Variants in IQUB observed in about 807,000 individuals in gnomAD.
IQUB encodes the protein IQ motif and ubiquitin domain containing.
Under a neutral mutation model 86.4 loss-of-function variants are expected in IQUB, and 86 were observed. That is an observed-to-expected ratio of 1.00 (90% CI 0.84 to 1.19). The LOEUF (loss-of-function observed/expected upper bound fraction) is 1.19. IQUB is among the 50% of genes most tolerant of loss of function. IQUB has a pLI of 0.00. For synonymous variants in IQUB, 289 were observed against 304.5 expected (o/e 0.95, Z 0.53); for missense variants, 946 against 916.9 (o/e 1.03, Z -0.41).
intron 8 of IQUB, among the ~76,000 whole-genome samples, chr7:123,471,633 C>CCA (rs71161483): frequency 5.4e-5 from 6 of 110,590 alleles, no homozygotes; most frequent in Non-Finnish European, 1.2e-4. Context: ...ACTCTGTTTT[C>CCA]CCCCCCAAGT....
At chr7:123,461,712 G>A in intron 10 of IQUB, 107 bp from the exon 11 acceptor site, 5 of 988,370 alleles carry the variant, frequency 5.1e-6, no homozygotes, top group Non-Finnish European at 6.8e-6. Context: ...ATCTTAGAAT[G>A]AGATTTAAAA....
chr7:123,486,523 G>C (rs911598898), intron 7 of IQUB, among the ~76,000 whole-genome samples: 1 of 152,100 alleles, frequency 6.6e-6, no homozygotes, highest in Non-Finnish European at 1.5e-5. Flanking sequence ...CAAGTAGCTG[G>C]TTTGTAGCAT....
rs1054571527 is a variant in IQUB, at chr7:123,502,992, T to C, written c.819A>G (p.Val273=). 1.2e-6 allele frequency: 2 copies of C among 1,613,122 alleles called. No individual in the cohort carries two copies. The highest frequency in any genetic ancestry group is 1.7e-6 in the Non-Finnish European group (2 of 1,179,534). Residue 273 remains valine (V), a synonymous_variant, in exon 5 of 13, where the codon GTA becomes GTG. Transcript: ENST00000324698. ...TGAGTCTTTCGGGAATCCTTTTAGG[T>C]ACAGTTTGTGTTCCAGCATTGTGAT... ...VEYHNAGTQT[V]PKRIPERLSI... is the part of the protein sequence containing the mutation.
At chr7:123,471,504 A>G (rs1419369118) in intron 8 of IQUB, among the ~76,000 whole-genome samples, 3 of 152,078 alleles carry the variant, frequency 2.0e-5, no homozygotes, top group Non-Finnish European at 4.4e-5. Flanking sequence ...TTTGGACAAC[A>G]CCTTTTGATC....
At chr7:123,522,729 T>A (rs1796964924) in intron 1 of IQUB, among the ~76,000 whole-genome samples, 1 of 152,122 alleles carries the variant, frequency 6.6e-6, no homozygotes, top group Admixed American at 6.5e-5. Context: ...ATACTTTAAG[T>A]TTTAGGGTAC....
chr7:123,452,818 T>C lies in IQUB; in HGVS notation c.2301A>G (p.Glu767=), dbSNP rs747313693. The change falls in exon 13 of 13, where the codon GAA becomes GAG. Residue 767 remains glutamate, a synonymous_variant. Coordinates refer to ENST00000324698, the MANE Select transcript of IQUB (RefSeq NM_178827.5). ...GATACTTCCATCTGATCTCATCAAT[T>C]TCACCATCATCAAGTATAAATGAAG... ...VLASFILDDG[E]IDEIRWKYHS... is the part of the protein sequence containing the mutation. 6.2e-7 allele frequency: 1 copy of C among 1,613,628 alleles called. No individual in the cohort carries two copies. Among genetic ancestry groups the C allele is most frequent in the South Asian group, 1.1e-5 (1 of 91,046 alleles).
chr7:123,494,082 C>T (rs929743692), intron 7 of IQUB, among the ~76,000 whole-genome samples: 3 of 152,050 alleles, frequency 2.0e-5, no homozygotes, highest in East Asian at 3.9e-4. Context: ...AAAACAACCC[C>T]AATTATTCTA....
intron 3 of IQUB, among the ~76,000 whole-genome samples, chr7:123,509,067 A>AT (rs1370309305): frequency 8.5e-5 from 13 of 152,284 alleles, no homozygotes; most frequent in African/African-American, 3.1e-4. Context: ...ACTATAATAG[A>AT]TTTTTTTAAA....
At position 123,469,413 on chromosome 7, in the gene IQUB, T is replaced by C. The variant is rs777431995; in HGVS notation, c.1411-29A>G. Reference sequence around the variant, plus strand: ...AAAAATAATATTATGTTTATAATTATCAGTTAATTAGAAACTACGTATAAC... The same window carrying C: ...AAAAATAATATTATGTTTATAATTACCAGTTAATTAGAAACTACGTATAAC... On this transcript the variant is annotated intron_variant, in intron 8 of 12. Coordinates refer to ENST00000324698, the MANE Select transcript of IQUB (RefSeq NM_178827.5). The C allele has an allele frequency of 5.1e-6, 7 of 1,362,546 alleles. No homozygotes were observed. In the East Asian group the frequency reaches 1.0e-4, roughly 19 times the overall value. The allele number at this position is 1,362,546 out of a possible 1,614,324, so 84.4% of individuals were successfully genotyped here.
At chr7:123,478,584 A>C (rs1427188365) in intron 8 of IQUB, among the ~76,000 whole-genome samples, 1 of 152,092 alleles carries the variant, frequency 6.6e-6, no homozygotes, top group African/African-American at 2.4e-5. Context: ...AAAAAGAAAC[A>C]ATGTATGCTA....
At chr7:123,470,778 G>A (rs1794484379) in intron 8 of IQUB, among the ~76,000 whole-genome samples, 1 of 151,798 alleles carries the variant, frequency 6.6e-6, no homozygotes, top group African/African-American at 2.4e-5. Flanking sequence ...ATGAACCTGG[G>A]AGGCGGAGCT....
chr7:123,468,014 C>A (rs975465249), intron 9 of IQUB, among the ~76,000 whole-genome samples: 2 of 152,322 alleles, frequency 1.3e-5, no homozygotes, highest in African/African-American at 4.8e-5. Context: ...CTCTGATCTT[C>A]AAAAGGCAAT....
chr7:123,479,645 A>G, intron 8 of IQUB, 150 bp downstream of exon 8: 1 of 630,588 alleles, frequency 1.6e-6, no homozygotes, highest in African/African-American at 1.9e-5. Flanking sequence ...TATACCAGAA[A>G]AAAATAAATC....
chr7:123,509,404 T>A (rs1228096988), intron 3 of IQUB, among the ~76,000 whole-genome samples: 2 of 152,182 alleles, frequency 1.3e-5, no homozygotes, highest in Non-Finnish European at 2.9e-5. Context: ...TCTTTCATCA[T>A]CCATTTTTTC....
rs952216718 is a variant in IQUB at position 123,480,105 on chromosome 7, C to T, written c.1235-135G>A. ...CAGATAGAATCATTTCTATTGTACA[C>T]CTGATGCATGAAAAAAGTGACGAAA... On this transcript the variant is annotated intron_variant, in intron 7 of 12. Transcript: ENST00000324698. The T allele has an allele frequency of 3.9e-5, 25 of 647,152 alleles. 1 individual carries two copies. Among genetic ancestry groups the T allele is most frequent in the South Asian group, 3.3e-4 (14 of 42,524 alleles). The allele number at this position is 647,152 out of a possible 1,614,324, so 40.1% of individuals were successfully genotyped here.
chr7:123,475,588 C>A (rs1794713239), intron 8 of IQUB, among the ~76,000 whole-genome samples: 1 of 151,802 alleles, frequency 6.6e-6, no homozygotes, highest in Non-Finnish European at 1.5e-5. Flanking sequence ...ATGTTCTGGG[C>A]ATAAAGAAGA....
chr7:123,475,373 CTTTTT>C (rs35957699), intron 8 of IQUB, among the ~76,000 whole-genome samples: 2 of 92,922 alleles, frequency 2.2e-5, no homozygotes. Context: ...CTCCATTTCA[CTTTTT>C]TTTTTTTTTT....
At chr7:123,521,768 C>CA (rs1213865124) in intron 1 of IQUB, among the ~76,000 whole-genome samples, 2 of 151,844 alleles carry the variant, frequency 1.3e-5, no homozygotes, top group Non-Finnish European at 2.9e-5. Flanking sequence ...ATGAATGACC[C>CA]AAATAACTAC....
chr7:123,509,627 C>T (rs542210556), intron 3 of IQUB, among the ~76,000 whole-genome samples: 44 of 152,272 alleles, frequency 2.9e-4, no homozygotes, highest in Admixed American at 2.7e-3. Context: ...TTACACATTA[C>T]ATGGTAGCTA....
Sources: allele counts gnomAD v4.1 joint callset (sites outside exome capture counted in the v4.1 genomes callset), GRCh38; gene constraint gnomAD v4.1.1; transcripts MANE v1.5; gene names NCBI Gene and HGNC (gene_info 2026-07-23, HGNC 2026-07-21).